CDK17: variants seen among roughly 807,000 people sequenced by gnomAD.
The protein encoded by CDK17 is cyclin dependent kinase 17, also known as cyclin-dependent kinase 17.
CDK17 carries 24 observed loss-of-function variants against 77.6 expected under a neutral mutation model. The ratio of observed to expected loss-of-function variants is 0.31; its 90% CI spans 0.22 to 0.44. CDK17 has a LOEUF of 0.44. Among genes scored for constraint, CDK17 ranks in the 20% least tolerant of loss-of-function variants. The pLI is 1.00. For synonymous variants in CDK17, 203 were observed against 210.4 expected (o/e 0.96, Z 0.30); for missense variants, 429 against 622.5 (o/e 0.69, Z 3.31).
intron 15 of CDK17, chr12:96,282,152 T>C (rs1952186934): frequency 5.7e-6 from 1 of 174,636 alleles, no homozygotes; most frequent in Non-Finnish European, 1.2e-5. Context: ...TCGGTTATGC[T>C]TCATTAGTTT....
At chr12:96,345,053 C>T (rs982418493) in intron 1 of CDK17, among the ~76,000 whole-genome samples, 1 of 152,162 alleles carries the variant, frequency 6.6e-6, no homozygotes, top group Non-Finnish European at 1.5e-5. Context: ...TGTTCACCTC[C>T]CACTTATAAG....
At chr12:96,369,716 T>C (rs973150686) in intron 1 of CDK17, among the ~76,000 whole-genome samples, 2 of 152,076 alleles carry the variant, frequency 1.3e-5, no homozygotes, top group African/African-American at 2.4e-5. Flanking sequence ...GAGGTGGAGG[T>C]TGCAGTGAGC....
At chr12:96,295,591 T>C (rs990328278) in intron 9 of CDK17, among the ~76,000 whole-genome samples, 25 of 151,730 alleles carry the variant, frequency 1.6e-4, no homozygotes, top group African/African-American at 6.0e-4. Context: ...AATAAGGCAC[T>C]GGAATTGGCG....
chr12:96,325,748 G>A, intron 2 of CDK17, among the ~76,000 whole-genome samples: 1 of 152,118 alleles, frequency 6.6e-6, no homozygotes, highest in Non-Finnish European at 1.5e-5. Flanking sequence ...AAGAATTTGG[G>A]GATCTTAAGT....
At chr12:96,336,738 C>A (rs1184868125) in intron 1 of CDK17, among the ~76,000 whole-genome samples, 1 of 152,178 alleles carries the variant, frequency 6.6e-6, no homozygotes, top group Non-Finnish European at 1.5e-5. Flanking sequence ...TGCAGTTAAA[C>A]CCATCTGTTG....
chr12:96,289,080 T>C (rs1051584847), intron 11 of CDK17, 87 bp downstream of exon 11: 21 of 1,392,378 alleles, frequency 1.5e-5, no homozygotes, highest in Middle Eastern at 1.8e-4. Flanking sequence ...AATATCTCCT[T>C]AAAAGTATAT....
chr12:96,323,690 T>C (rs1284768320), intron 3 of CDK17, among the ~76,000 whole-genome samples: 2 of 152,164 alleles, frequency 1.3e-5, no homozygotes, highest in African/African-American at 2.4e-5. Context: ...CAAACTGCCA[T>C]TCATCTTGAA....
chr12:96,336,783 T>C lies in CDK17; in HGVS notation c.-29-1918A>G, dbSNP rs551402601. On this transcript the variant is annotated intron_variant, in intron 1 of 16. Coordinates refer to ENST00000261211, the MANE Select transcript of CDK17 (RefSeq NM_002595.5). ...TTTTAGTTACTATATTTTTCAGCTC[T>C]AGAATTTCCATTTGACTCCTTCCTG... Among the ~76,000 whole-genome samples the C allele has an allele frequency of 5.9e-5, 9 of 152,374 alleles. No homozygotes were observed. The South Asian group carries it at 1.9e-3, about 32-fold the overall frequency.
chr12:96,362,871 T>C (rs531368222), intron 1 of CDK17, among the ~76,000 whole-genome samples: 1 of 152,252 alleles, frequency 6.6e-6, no homozygotes, highest in East Asian at 1.9e-4. Flanking sequence ...ATTCTGCTGG[T>C]GGAGTTAGGG....
chr12:96,394,483 C>T (rs1954132496), intron 1 of CDK17, among the ~76,000 whole-genome samples: 1 of 151,956 alleles, frequency 6.6e-6, no homozygotes, highest in Admixed American at 6.6e-5. Flanking sequence ...CATATTTACA[C>T]TAACAAATGC....
intron 5 of CDK17, among the ~76,000 whole-genome samples, chr12:96,301,569 A>G (rs1205640658): frequency 1.3e-5 from 2 of 152,158 alleles, no homozygotes; most frequent in Non-Finnish European, 1.5e-5. Context: ...TTTATAGATA[A>G]TGGAAAAGGT....
intron 14 of CDK17, among the ~76,000 whole-genome samples, chr12:96,283,225 C>G (rs1952199050): frequency 1.3e-5 from 2 of 152,270 alleles, no homozygotes; most frequent in South Asian, 4.1e-4. Context: ...TGGTACTACC[C>G]TTATCGTCCC....
chr12:96,370,064 T>C (rs1953666727), intron 1 of CDK17, among the ~76,000 whole-genome samples: 1 of 152,132 alleles, frequency 6.6e-6, no homozygotes, highest in African/African-American at 2.4e-5. Flanking sequence ...GAGGGCATTT[T>C]AAAAATAAAA....
chr12:96,349,290 C>T lies in CDK17; in HGVS notation c.-29-14425G>A, dbSNP rs529164477. On this transcript the variant is annotated intron_variant, in intron 1 of 16. Transcript: ENST00000261211. ...ACAACATGGTGAAACCCCGTCTCTA[C>T]TAAAAATACAAAATTAGCCGGGCAT... Among the ~76,000 whole-genome samples the T allele has an allele frequency of 2.9e-4, 44 of 152,140 alleles. 1 individual carries two copies. In the South Asian group the frequency reaches 2.9e-3, roughly 10 times the overall value.
At chr12:96,349,735 C>T (rs1371430008) in intron 1 of CDK17, among the ~76,000 whole-genome samples, 1 of 152,124 alleles carries the variant, frequency 6.6e-6, no homozygotes, top group East Asian at 1.9e-4. Context: ...GCTTTCACCA[C>T]TTCTATTCAA....
At chr12:96,352,307 G>A (rs1012428197) in intron 1 of CDK17, among the ~76,000 whole-genome samples, 5 of 152,088 alleles carry the variant, frequency 3.3e-5, no homozygotes, top group African/African-American at 1.2e-4. Flanking sequence ...CTAAGTGTAA[G>A]GTGGCCAAAG....
At chr12:96,360,049 A>C (rs373171429) in intron 1 of CDK17, among the ~76,000 whole-genome samples, 97 of 152,336 alleles carry the variant, frequency 6.4e-4, no homozygotes, top group African/African-American at 2.3e-3. Flanking sequence ...CAGAAATGAC[A>C]CAAGAGCCTA....
At chr12:96,389,146 T>A (rs951682864) in intron 1 of CDK17, among the ~76,000 whole-genome samples, 21 of 150,506 alleles carry the variant, frequency 1.4e-4, no homozygotes, top group African/African-American at 3.4e-4. Flanking sequence ...TTTTTTTTTT[T>A]AATTTTTTTG....
intron 2 of CDK17, among the ~76,000 whole-genome samples, chr12:96,330,120 A>G (rs1952946763): frequency 6.6e-6 from 1 of 152,186 alleles, no homozygotes. Flanking sequence ...TCTCTTCCTC[A>G]CATTTAAATT....
Sources: gnomAD v4.1 joint callset for allele counts (sites outside exome capture counted in the v4.1 genomes callset) on GRCh38, gnomAD v4.1.1 for gene constraint, MANE v1.5 for transcripts, NCBI Gene and HGNC (gene_info 2026-07-23, HGNC 2026-07-21) for gene names.